The following SLC38A9 variants were observed in gnomAD, a reference collection of about 807,000 sequenced individuals.
The protein encoded by SLC38A9 is solute carrier family 38 member 9.
In SLC38A9, 48 loss-of-function variants were observed where a neutral mutation model predicts 62.3. That is an observed-to-expected ratio of 0.77 (90% CI 0.61 to 0.98). The LOEUF is 0.98. Among genes scored for constraint, SLC38A9 ranks in the 50% least tolerant of loss-of-function variants. SLC38A9 has a pLI of 0.00. For synonymous variants in SLC38A9, 204 were observed against 227.7 expected (o/e 0.90, Z 0.94); for missense variants, 541 against 679.8 (o/e 0.80, Z 2.27).
At chr5:55,669,461 G>T in intron 6 of SLC38A9, 96 bp downstream of exon 6, 2 of 1,340,766 alleles carry the variant, frequency 1.5e-6, no homozygotes, top group South Asian at 2.7e-5. Context: ...TTTCTTTAAT[G>T]AATTTTATGT....
intron 12 of SLC38A9, among the ~76,000 whole-genome samples, chr5:55,644,068 C>T (rs1471971762): frequency 6.6e-6 from 1 of 152,042 alleles, no homozygotes; most frequent in East Asian, 1.9e-4. Context: ...TCAAGTAATT[C>T]TCCTGCCTCA....
At chr5:55,687,098 A>T (rs1753983089) in intron 3 of SLC38A9, among the ~76,000 whole-genome samples, 4 of 137,388 alleles carry the variant, frequency 2.9e-5, no homozygotes, top group African/African-American at 2.8e-5. Flanking sequence ...TTTGCTTAAG[A>T]TTGCCTTGGC....
intron 3 of SLC38A9, chr5:55,696,679 G>C (rs1411609403): frequency 2.9e-5 from 3 of 102,748 alleles, no homozygotes; most frequent in Admixed American, 9.2e-5. Context: ...TCCCGGACGG[G>C]GCGGCTGGCC....
chr5:55,710,409 T>A (rs1202797471), intron 2 of SLC38A9, among the ~76,000 whole-genome samples: 1 of 151,776 alleles, frequency 6.6e-6, no homozygotes, highest in Non-Finnish European at 1.5e-5. Flanking sequence ...GGTTTCACCA[T>A]GTTCGCCAGG....
chr5:55,633,472 T>C (rs1743864191), intron 14 of SLC38A9: 3 of 304,526 alleles, frequency 9.9e-6, no homozygotes, highest in Non-Finnish European at 1.8e-5. Flanking sequence ...TATAAACTTC[T>C]TGACAATATG....
chr5:55,696,463 G>A (rs1172016668), intron 3 of SLC38A9: 1 of 426 alleles, frequency 2.3e-3, no homozygotes, highest in Non-Finnish European at 5.8e-3. Flanking sequence ...TTCCCAGTAG[G>A]GGCGGGCCGG....
intron 4 of SLC38A9, among the ~76,000 whole-genome samples, chr5:55,670,197 C>A (rs1751076230): frequency 1.1e-5 from 1 of 94,372 alleles, no homozygotes. Context: ...GATCTCCTGA[C>A]CATGTCATGA....
chr5:55,659,378 G>GTTTGT (rs1749050208), intron 8 of SLC38A9, among the ~76,000 whole-genome samples: 1 of 125,572 alleles, frequency 8.0e-6, no homozygotes, highest in African/African-American at 2.9e-5. Context: ...AACTGGAAAG[G>GTTTGT]TTTTTTTTTT....
chr5:55,681,845 C>T (rs1753058369), intron 3 of SLC38A9, among the ~76,000 whole-genome samples: 3 of 152,070 alleles, frequency 2.0e-5, no homozygotes, highest in Admixed American at 1.3e-4. Context: ...CATAAATGTC[C>T]TGTTTTTGTA....
At chr5:55,681,696 G>A (rs1753032868) in intron 3 of SLC38A9, among the ~76,000 whole-genome samples, 1 of 152,166 alleles carries the variant, frequency 6.6e-6, no homozygotes, top group Non-Finnish European at 1.5e-5. Context: ...TCAGAAACAA[G>A]GCAAGAGGTA....
At chr5:55,636,866 G>A (rs1011166282) in intron 12 of SLC38A9, among the ~76,000 whole-genome samples, 8 of 152,132 alleles carry the variant, frequency 5.3e-5, no homozygotes, top group South Asian at 4.1e-4. Flanking sequence ...CTCAAAATGC[G>A]TCTAATTGCT....
intron 2 of SLC38A9, among the ~76,000 whole-genome samples, chr5:55,706,879 T>G (rs939942882): frequency 2.6e-5 from 4 of 152,070 alleles, no homozygotes; most frequent in Non-Finnish European, 5.9e-5. Flanking sequence ...ATGGTGCAAG[T>G]TTTGTCACAA....
intron 3 of SLC38A9, among the ~76,000 whole-genome samples, chr5:55,682,620 G>C (rs936665870): frequency 1.3e-5 from 2 of 152,102 alleles, no homozygotes; most frequent in African/African-American, 2.4e-5. Flanking sequence ...ACAAAAAATA[G>C]AAAAAGCAGC....
At chr5:55,664,919 A>G (rs1750218047) in intron 7 of SLC38A9, 56 bp from the exon 8 acceptor site, 4 of 1,234,600 alleles carry the variant, frequency 3.2e-6, no homozygotes, top group Non-Finnish European at 4.4e-6. Flanking sequence ...TTCCATATTC[A>G]TAATTTGTGT....
At chr5:55,661,917 G>T (rs1749644630) in intron 8 of SLC38A9, among the ~76,000 whole-genome samples, 1 of 152,180 alleles carries the variant, frequency 6.6e-6, no homozygotes, top group Non-Finnish European at 1.5e-5. Context: ...AAGAAAAGAT[G>T]ATTAATGCCA....
chr5:55,638,554 C>T (rs932214521), intron 12 of SLC38A9, among the ~76,000 whole-genome samples: 4 of 152,144 alleles, frequency 2.6e-5, no homozygotes, highest in Non-Finnish European at 4.4e-5. Context: ...AAAACTGGAT[C>T]TACAACAGGC....
chr5:55,649,481 G>A (rs1277646645), intron 10 of SLC38A9, among the ~76,000 whole-genome samples, 167 bp from the exon 11 acceptor site: 1 of 129,584 alleles, frequency 7.7e-6, no homozygotes, highest in South Asian at 2.9e-4. Flanking sequence ...AACAAGCTGA[G>A]GGAGTTACCA....
chr5:55,633,630 A>G lies in SLC38A9; in HGVS notation c.1430+124T>C, dbSNP rs1468969811. On this transcript the variant is annotated intron_variant, in intron 14 of 15. Transcript: ENST00000396865. ...TCAGGGAAGAGGACACCAATGATCT[A>G]TCTTTAGTCACCACTTGCATTAGGC... is the stretch of plus-strand genomic sequence containing the variant. The G allele has an allele frequency of 3.8e-6, 5 of 1,321,494 alleles. No individual in the cohort carries two copies. In the African/African-American group the frequency reaches 5.8e-5, roughly 15 times the overall value. 81.9% of individuals were successfully genotyped at this position (1,321,494 alleles called of 1,614,324 possible).
chr5:55,628,074 C>A, intron 14 of SLC38A9, 94 bp from the exon 15 acceptor site: 2 of 743,040 alleles, frequency 2.7e-6, no homozygotes, highest in South Asian at 1.8e-5. Context: ...TTCTTAACAT[C>A]GTTAAAATCA....
Sources: allele counts gnomAD v4.1 joint callset (sites outside exome capture counted in the v4.1 genomes callset), GRCh38; gene constraint gnomAD v4.1.1; transcripts MANE v1.5; gene names NCBI Gene and HGNC (gene_info 2026-07-23, HGNC 2026-07-21).